GULP1: variants seen among roughly 807,000 people sequenced by gnomAD.
GULP1 encodes the protein GULP PTB domain containing engulfment adaptor 1, also known as PTB domain-containing engulfment adapter protein 1.
In GULP1, 19 loss-of-function variants were observed where a neutral mutation model predicts 40.9. The ratio of observed to expected loss-of-function variants is 0.46; its 90% CI spans 0.32 to 0.68. The LOEUF (loss-of-function observed/expected upper bound fraction) is 0.68. Among genes scored for constraint, GULP1 ranks in the 30% least tolerant of loss-of-function variants. The pLI is 0.03. For synonymous variants in GULP1, 119 were observed against 117.6 expected (o/e 1.01, Z -0.08); for missense variants, 312 against 362.2 (o/e 0.86, Z 1.12).
chr2:188,506,027 T>C (rs2063876402), intron 4 of GULP1, among the ~76,000 whole-genome samples: 1 of 151,932 alleles, frequency 6.6e-6, no homozygotes, highest in Non-Finnish European at 1.5e-5. Flanking sequence ...CAAAATTTAC[T>C]TTATTAAATT....
intron 2 of GULP1, among the ~76,000 whole-genome samples, chr2:188,399,199 G>C (rs1341180674): frequency 5.9e-5 from 9 of 152,116 alleles, no homozygotes; most frequent in Non-Finnish European, 1.5e-5. Context: ...AAATTTGAGG[G>C]TAATCAGATG....
Position 188,348,159 on chromosome 2 carries a change from A to G in GULP1, c.-171-35604A>G, listed in dbSNP as rs143014389. Among the ~76,000 whole-genome samples, 351 of 152,332 alleles carry G rather than the reference A, an allele frequency of 2.3e-3. 1 individual carries two copies. Among genetic ancestry groups the G allele is most frequent in the African/African-American group, 8.0e-3 (331 of 41,580 alleles). Reference sequence around the variant, plus strand: ...GTTATTCAAAATATTTATTATAATGAGACTTAATTGATATAATAGGAGATA... The same window carrying G: ...GTTATTCAAAATATTTATTATAATGGGACTTAATTGATATAATAGGAGATA... On this transcript the variant is annotated intron_variant, in intron 1 of 11. Coordinates refer to ENST00000409830, the MANE Select transcript of GULP1 (RefSeq NM_016315.4).
intron 4 of GULP1, among the ~76,000 whole-genome samples, chr2:188,506,089 A>T (rs2063883781): frequency 6.6e-6 from 1 of 151,920 alleles, no homozygotes. Flanking sequence ...CACCTAATAA[A>T]GTTTTAGTGT....
chr2:188,443,685 C>CTTTTTTTTTTTTTTTTTTTTTT (rs768289502), intron 2 of GULP1, among the ~76,000 whole-genome samples: 2 of 147,134 alleles, frequency 1.4e-5, no homozygotes, highest in Non-Finnish European at 3.0e-5. Flanking sequence ...AAATGAATTT[C>CTTTTTTTTTTTTTTTTTTTTTT]TTTTCTTTTT....
At chr2:188,334,918 G>A (rs1321041184) in intron 1 of GULP1, among the ~76,000 whole-genome samples, 2 of 152,168 alleles carry the variant, frequency 1.3e-5, no homozygotes, top group Non-Finnish European at 2.9e-5. Context: ...TGCTGTCATG[G>A]TATAGGAGGA....
rs377582922 is a variant in GULP1 at position 188,291,960 on chromosome 2, GGAGGGAGGGGGGAGAGAGCGCGAA to G, written c.-367_-344del. 2.1e-3 allele frequency: 319 copies of G among 152,618 alleles called. No individual in the cohort carries two copies. The highest frequency in any genetic ancestry group is 7.4e-3 in the African/African-American group (306 of 41,574). The allele number at this position is 152,618 out of a possible 1,614,324, so 9.5% of individuals were successfully genotyped here. On this transcript the variant is annotated 5_prime_UTR_variant, in exon 1 of 12. Transcript: ENST00000409830. Reference sequence around the variant, plus strand: ...TTTTGGATTCGGCGGATTAGGAAGAGGAGGGAGGGGGGAGAGAGCGCGAAGAGGGAGGGGACCGAAGCTGGAGGG... The same window carrying G: ...TTTTGGATTCGGCGGATTAGGAAGAGGAGGGAGGGGACCGAAGCTGGAGGG...
chr2:188,394,303 T>A (rs2050927474), intron 2 of GULP1, among the ~76,000 whole-genome samples: 1 of 152,178 alleles, frequency 6.6e-6, no homozygotes, highest in Non-Finnish European at 1.5e-5. Flanking sequence ...GTCTTCTAGT[T>A]GGTTTAGTCT....
At chr2:188,569,734 C>A (rs1698619530) in intron 8 of GULP1, 2 of 351,856 alleles carry the variant, frequency 5.7e-6, no homozygotes, top group South Asian at 6.4e-5. Flanking sequence ...GTTTCACTGT[C>A]TTGTGGTTAT....
In GULP1 at chr2:188,364,446, C is replaced by A. The variant is rs763688095; in HGVS notation, c.-171-19317C>A. On this transcript the variant is annotated intron_variant, in intron 1 of 11. Transcript: ENST00000409830. The stretch of plus-strand genomic sequence containing the variant: ...TTCGCATCTGTGTAGTAATAAAGCC[C>A]AACTAATTTGGAACATTCTGTCTCC... 5.7e-4 allele frequency among the ~76,000 whole-genome samples: 87 copies of A among 152,098 alleles called. 1 individual carries two copies. Among genetic ancestry groups the A allele is most frequent in the Non-Finnish European group, 2.2e-4 (15 of 68,038 alleles).
At chr2:188,403,480 T>C (rs2052607931) in intron 2 of GULP1, among the ~76,000 whole-genome samples, 1 of 152,204 alleles carries the variant, frequency 6.6e-6, no homozygotes, top group Admixed American at 6.5e-5. Flanking sequence ...TTGATAAATC[T>C]ATGATAAACG....
At chr2:188,352,106 T>C (rs1049617435) in intron 1 of GULP1, among the ~76,000 whole-genome samples, 1 of 152,162 alleles carries the variant, frequency 6.6e-6, no homozygotes, top group Non-Finnish European at 1.5e-5. Flanking sequence ...TCGTCACCTG[T>C]AATGGCTAAT....
intron 2 of GULP1, among the ~76,000 whole-genome samples, chr2:188,402,199 G>T (rs2052393833): frequency 6.6e-6 from 1 of 152,104 alleles, no homozygotes; most frequent in Admixed American, 6.5e-5. Flanking sequence ...TTAATAAAAG[G>T]CTGAAAGCCG....
chr2:188,447,594 A>G (rs922208575), intron 2 of GULP1, among the ~76,000 whole-genome samples: 16 of 152,210 alleles, frequency 1.1e-4, no homozygotes, highest in Non-Finnish European at 2.2e-4. Flanking sequence ...TGATTGACAC[A>G]TAAATTTGGC....
intron 4 of GULP1, among the ~76,000 whole-genome samples, chr2:188,507,089 G>T (rs550011775): frequency 3.2e-4 from 48 of 152,030 alleles, no homozygotes; most frequent in Middle Eastern, 6.8e-3. Context: ...CTCCTGGCAG[G>T]ATTTCTATAG....
At chr2:188,420,402 T>G (rs1159809309) in intron 2 of GULP1, among the ~76,000 whole-genome samples, 1 of 152,184 alleles carries the variant, frequency 6.6e-6, no homozygotes, top group Non-Finnish European at 1.5e-5. Flanking sequence ...TTAAGTTTAT[T>G]TCTAAGTATT....
chr2:188,555,806 A>G (rs1386731947), intron 7 of GULP1, among the ~76,000 whole-genome samples: 1 of 152,084 alleles, frequency 6.6e-6, no homozygotes, highest in African/African-American at 2.4e-5. Flanking sequence ...TATACCTGTA[A>G]TCTCAGCACT....
At chr2:188,491,086 C>A (rs2062340201) in intron 4 of GULP1, among the ~76,000 whole-genome samples, 1 of 151,968 alleles carries the variant, frequency 6.6e-6, no homozygotes, top group Admixed American at 6.6e-5. Context: ...GGATGAGCCA[C>A]CATGCCTAGC....
intron 4 of GULP1, among the ~76,000 whole-genome samples, chr2:188,496,461 T>C (rs1367328243): frequency 2.0e-5 from 3 of 151,984 alleles, no homozygotes; most frequent in Non-Finnish European, 1.5e-5. Context: ...TATTTGCAGA[T>C]ATTCAAACTA....
At chr2:188,567,332 G>A (rs1487215360) in intron 7 of GULP1, among the ~76,000 whole-genome samples, 1 of 152,096 alleles carries the variant, frequency 6.6e-6, no homozygotes, top group Non-Finnish European at 1.5e-5. Context: ...AAATGCACGC[G>A]TATGTTTATT....
Sources: allele counts gnomAD v4.1 joint callset (sites outside exome capture counted in the v4.1 genomes callset), GRCh38; gene constraint gnomAD v4.1.1; transcripts MANE v1.5; gene names NCBI Gene and HGNC (gene_info 2026-07-23, HGNC 2026-07-21).